The following TRHDE variants were observed in gnomAD, a reference collection of about 807,000 sequenced individuals.
The protein encoded by TRHDE is thyrotropin-releasing hormone-degrading ectoenzyme.
Under a neutral mutation model 125.7 loss-of-function variants are expected in TRHDE, and 72 were observed. The ratio of observed to expected loss-of-function variants is 0.57; its 90% CI spans 0.47 to 0.70. The LOEUF (loss-of-function observed/expected upper bound fraction) is 0.70. Among genes scored for constraint, TRHDE ranks in the 30% least tolerant of loss-of-function variants. The pLI is 0.00. For synonymous variants in TRHDE, 509 were observed against 509.1 expected, an observed-to-expected ratio of 1.00 and a Z score of 0.00; for missense variants, 1,110 against 1,327.1, an observed-to-expected ratio of 0.84 and a Z score of 2.54.
chr12:72,117,963 G>C (rs550106311), intron 2 of TRHDE, among the ~76,000 whole-genome samples: 5 of 150,602 alleles, frequency 3.3e-5, no homozygotes, highest in African/African-American at 1.2e-4. Flanking sequence ...AGTTCTAATG[G>C]TTTTCTTGTG....
intron 2 of TRHDE, among the ~76,000 whole-genome samples, chr12:72,355,328 G>A (rs1036617619): frequency 6.6e-6 from 1 of 151,514 alleles, no homozygotes; most frequent in Non-Finnish European, 1.5e-5. Context: ...ATTAAACAAA[G>A]AGTGCATGCA....
intron 2 of TRHDE, among the ~76,000 whole-genome samples, chr12:72,228,744 A>G (rs1423028902): frequency 6.6e-6 from 1 of 152,212 alleles, no homozygotes; most frequent in African/African-American, 2.4e-5. Flanking sequence ...ACAATATCCA[A>G]GTCATCTCTT....
intron 2 of TRHDE, among the ~76,000 whole-genome samples, chr12:72,316,911 A>C (rs369320782): frequency 3.3e-4 from 50 of 152,296 alleles, no homozygotes; most frequent in Middle Eastern, 6.8e-3. Flanking sequence ...TACAAGCCCG[A>C]ATTCCTGAGA....
intron 2 of TRHDE, among the ~76,000 whole-genome samples, chr12:72,194,446 T>C (rs1877398831): frequency 6.6e-6 from 1 of 152,046 alleles, no homozygotes; most frequent in Non-Finnish European, 1.5e-5. Flanking sequence ...ATTTTAGATT[T>C]GGGGGGTACA....
chr12:72,213,672 C>G (rs1468989130), intron 2 of TRHDE, among the ~76,000 whole-genome samples: 1 of 152,068 alleles, frequency 6.6e-6, no homozygotes, highest in African/African-American at 2.4e-5. Context: ...ACTTATATGC[C>G]TGGATTTGTA....
chr12:72,350,448 T>C (rs1483216960), intron 2 of TRHDE, among the ~76,000 whole-genome samples: 1 of 152,056 alleles, frequency 6.6e-6, no homozygotes, highest in Admixed American at 6.6e-5. Flanking sequence ...TATATTATAA[T>C]CTTCTTTTTG....
chr12:72,555,393 T>C (rs556605765), intron 7 of TRHDE, among the ~76,000 whole-genome samples: 1 of 152,254 alleles, frequency 6.6e-6, no homozygotes, highest in Non-Finnish European at 1.5e-5. Flanking sequence ...TGAACTGCTA[T>C]ACCTCAAAAA....
intron 3 of TRHDE, among the ~76,000 whole-genome samples, chr12:72,442,848 C>A (rs1417079156): frequency 6.6e-6 from 1 of 151,800 alleles, no homozygotes; most frequent in Non-Finnish European, 1.5e-5. Context: ...AATTTCACAT[C>A]TTAACTATTT....
intron 2 of TRHDE, among the ~76,000 whole-genome samples, chr12:72,155,378 C>A (rs991496474): frequency 3.3e-5 from 5 of 152,106 alleles, no homozygotes; most frequent in Non-Finnish European, 7.4e-5. Flanking sequence ...TCGTCTGAAG[C>A]CTTCTTCTCT....
At chr12:72,240,279 A>G (rs1405908784) in intron 2 of TRHDE, among the ~76,000 whole-genome samples, 1 of 148,848 alleles carries the variant, frequency 6.7e-6, no homozygotes, top group East Asian at 1.9e-4. Flanking sequence ...AACTGCTAAC[A>G]TTTCAGGGTA....
chr12:72,101,037 G>A (rs1181540051), intron 1 of TRHDE, among the ~76,000 whole-genome samples: 1 of 152,178 alleles, frequency 6.6e-6, no homozygotes, highest in South Asian at 2.1e-4. Context: ...TGTGACTGCA[G>A]TCTGACTAAT....
intron 9 of TRHDE, among the ~76,000 whole-genome samples, chr12:72,566,564 A>G (rs934642259): frequency 2.6e-5 from 4 of 151,922 alleles, no homozygotes; most frequent in Admixed American, 2.6e-4. Flanking sequence ...GAAACAAACC[A>G]ACTTTTATCA....
chr12:72,644,222 T>C (rs1191663739), intron 15 of TRHDE, among the ~76,000 whole-genome samples: 2 of 152,156 alleles, frequency 1.3e-5, no homozygotes, highest in Non-Finnish European at 1.5e-5. Flanking sequence ...TATCAGAATC[T>C]CTACTCCCTA....
intron 2 of TRHDE, among the ~76,000 whole-genome samples, chr12:72,212,889 A>G (rs1592486024): frequency 6.6e-6 from 1 of 152,154 alleles, no homozygotes; most frequent in Admixed American, 6.6e-5. Context: ...ATGAATGCTC[A>G]TAGCAGCGTT....
chr12:72,665,558 T>C lies in TRHDE; in HGVS notation c.*2363T>C, dbSNP rs1398641613. 6.6e-6 allele frequency: 1 copy of C among 152,352 alleles called. No homozygotes were observed. Among genetic ancestry groups the C allele is most frequent in the African/African-American group, 2.4e-5 (1 of 41,446 alleles). 9.4% of individuals were successfully genotyped at this position (152,352 alleles called of 1,614,324 possible). A position where few individuals can be genotyped will look rare whatever the true frequency, so the allele number is the denominator to read the frequency against. On this transcript the variant is annotated 3_prime_UTR_variant, in exon 19 of 19. Coordinates refer to ENST00000261180, the MANE Select transcript of TRHDE (RefSeq NM_013381.3). ...CGGTTTTTTTAGTTGTTTAAATAAG[T>C]AATATTTTCAAAAGAATAAAATAAC...
intron 5 of TRHDE, among the ~76,000 whole-genome samples, chr12:72,491,443 G>T (rs1877679653): frequency 6.6e-6 from 1 of 151,852 alleles, no homozygotes; most frequent in Non-Finnish European, 1.5e-5. Flanking sequence ...ATATTTTTAA[G>T]GTTCTTGAGT....
At chr12:72,651,381 A>C (rs1228250497) in intron 15 of TRHDE, among the ~76,000 whole-genome samples, 1 of 152,048 alleles carries the variant, frequency 6.6e-6, no homozygotes, top group Non-Finnish European at 1.5e-5. Context: ...GCAGTATTTT[A>C]ATCATCATGG....
intron 2 of TRHDE, among the ~76,000 whole-genome samples, chr12:72,335,448 G>C (rs539386032): frequency 6.6e-6 from 1 of 152,250 alleles, no homozygotes; most frequent in African/African-American, 2.4e-5. Context: ...AGATAAAGTA[G>C]ACAGGAACCA....
At chr12:72,132,936 A>G (rs1875896257) in intron 2 of TRHDE, among the ~76,000 whole-genome samples, 1 of 152,170 alleles carries the variant, frequency 6.6e-6, no homozygotes, top group Admixed American at 6.5e-5. Flanking sequence ...CAGAGATAGC[A>G]TGTACACAGG....
Sources: allele counts gnomAD v4.1 joint callset (sites outside exome capture counted in the v4.1 genomes callset), GRCh38; gene constraint gnomAD v4.1.1; transcripts MANE v1.5; gene names NCBI Gene and HGNC (gene_info 2026-07-23, HGNC 2026-07-21).